Variants in PPARA observed in about 807,000 individuals in gnomAD.
PPARA encodes the protein peroxisome proliferator activated receptor alpha.
PPARA carries 22 observed loss-of-function variants against 42.2 expected under a neutral mutation model. That is an observed-to-expected ratio of 0.52 (90% CI 0.37 to 0.74). The LOEUF (loss-of-function observed/expected upper bound fraction) is 0.74, where lower values mean the gene tolerates loss of function less well. Ranked by LOEUF, PPARA falls within the 30% of genes least tolerant of loss-of-function variation. The probability of loss-of-function intolerance (pLI) is 0.00; values close to 1 mark genes in which losing one functional copy is unlikely to be tolerated. For missense variants in PPARA, 465 were observed against 608.2 expected (o/e 0.76, Z 2.48); for synonymous variants, 242 against 239.3 (o/e 1.01, Z -0.10).
At chr22:46,164,746 T>G (rs1431083811) in intron 2 of PPARA, 2 of 152,232 alleles carry the variant, frequency 1.3e-5, no homozygotes, top group East Asian at 3.8e-4. Flanking sequence ...TATTAAAAGG[T>G]GACAGTTTTC....
At chr22:46,207,277 ATTTTTTT>A (rs76116601) in intron 4 of PPARA, among the ~76,000 whole-genome samples, 3 of 119,578 alleles carry the variant, frequency 2.5e-5, no homozygotes, top group South Asian at 2.7e-4. Flanking sequence ...TACATTGGCA[ATTTTTTT>A]TTTTTTTTTT....
chr22:46,215,109 A>T lies in PPARA; in HGVS notation c.209-64A>T, dbSNP rs545005107. 8.9e-6 allele frequency: 14 copies of T among 1,578,536 alleles called. No homozygotes were observed. The East Asian group carries it at 2.2e-4, about 25-fold the overall frequency. On this transcript the variant is annotated intron_variant, in intron 4 of 8. Coordinates refer to ENST00000407236, the MANE Select transcript of PPARA (RefSeq NM_005036.6). Reference sequence around the variant, plus strand: ...CGTATGCGAAATCACATCCTCATAGACCCGGTTCAGACACAGGATAGTGAT... The same window carrying T: ...CGTATGCGAAATCACATCCTCATAGTCCCGGTTCAGACACAGGATAGTGAT...
In PPARA at chr22:46,203,408, G is replaced by A. The variant is rs1338132426; in HGVS notation, c.208+4817G>A. Among the ~76,000 whole-genome samples the A allele has an allele frequency of 6.6e-6, 1 of 151,976 alleles. No individual in the cohort carries two copies. The highest frequency in any genetic ancestry group is 2.4e-5 in the African/African-American group (1 of 41,370). ...CATTTTATCTCTGCTTTTTCTTCCC[G>A]GCTTTATTGCCATAATTGACATACA... On this transcript the variant is annotated intron_variant, in intron 4 of 8. Coordinates refer to ENST00000407236, the MANE Select transcript of PPARA (RefSeq NM_005036.6). The surrounding 1 kb of genome is among the most constrained non-coding windows in gnomAD (Gnocchi z 5.8).
rs1313272105 is a variant in PPARA at position 46,235,320 on chromosome 22, G to A, written c.1347G>A (p.Lys449=). The A allele has an allele frequency of 1.9e-6, 3 of 1,614,000 alleles. No individual in the cohort carries two copies. Among genetic ancestry groups the A allele is most frequent in the Admixed American group, 3.3e-5 (2 of 60,002 alleles). ...EHAQLVQIIK[K]TESDAALHPL... ...CGCAGCTGGTGCAGATCATCAAGAA[G>A]ACGGAGTCGGATGCTGCGCTGCACC... Residue 449 remains lysine, a synonymous_variant, in exon 9 of 9, where the codon AAG becomes AAA. Transcript: ENST00000407236. This position sits in a 1 kb window ranked among gnomAD's most constrained non-coding sequence, Gnocchi z 7.0.
At position 46,230,764 on chromosome 22, in the gene PPARA, G is replaced by C. The variant is rs1419127227; in HGVS notation, c.712-1028G>C. Among the ~76,000 whole-genome samples the C allele has an allele frequency of 6.6e-6, 1 of 152,208 alleles. No individual in the cohort carries two copies. The highest frequency in any genetic ancestry group is 2.4e-5 in the African/African-American group (1 of 41,456). ...CTGAGAGAAACAAGGGCATTCCGAG[G>C]CTTTTCCACTTTATCCCTAAAGAGT... On this transcript the variant is annotated intron_variant, in intron 7 of 8. Coordinates refer to ENST00000407236, the MANE Select transcript of PPARA (RefSeq NM_005036.6). This position sits in a 1 kb window ranked among gnomAD's most constrained non-coding sequence, Gnocchi z 5.0.
At chr22:46,155,009 A>AAAC (rs1925056125) in intron 2 of PPARA, 1 of 141,324 alleles carries the variant, frequency 7.1e-6, no homozygotes, top group African/African-American at 2.9e-5. Context: ...AAAAAAAAAA[A>AAAC]AAAAAAAAAA....
chr22:46,190,007 G>A lies in PPARA; in HGVS notation c.-42-8335G>A, dbSNP rs1931332116. Among the ~76,000 whole-genome samples, 1 of 152,120 alleles carries A rather than the reference G, an allele frequency of 6.6e-6. No homozygotes were observed. ...GGCATGAGCGACTGCGCCCAGCCGTGTTCATCTATTTCTGTGAACCGATGC... is the reference window on the plus strand; with the variant it reads ...GGCATGAGCGACTGCGCCCAGCCGTATTCATCTATTTCTGTGAACCGATGC... On this transcript the variant is annotated intron_variant, in intron 3 of 8. Coordinates refer to ENST00000407236, the MANE Select transcript of PPARA (RefSeq NM_005036.6). The surrounding 1 kb of genome is among the most constrained non-coding windows in gnomAD (Gnocchi z 5.6).
intron 3 of PPARA, among the ~76,000 whole-genome samples, chr22:46,179,190 G>T (rs1391182343): frequency 1.3e-5 from 2 of 152,146 alleles, no homozygotes; most frequent in Non-Finnish European, 2.9e-5. Flanking sequence ...ATCAACATAT[G>T]AATTTGGAAA....
chr22:46,197,664 G>T (rs545267957), intron 3 of PPARA, among the ~76,000 whole-genome samples: 4 of 152,106 alleles, frequency 2.6e-5, no homozygotes, highest in African/African-American at 9.6e-5. Flanking sequence ...CACTTTAGAA[G>T]GCCGAGGCGG....
intron 6 of PPARA, among the ~76,000 whole-genome samples, chr22:46,218,695 G>T (rs1934722302): frequency 6.6e-6 from 1 of 151,496 alleles, no homozygotes; most frequent in Non-Finnish European, 1.5e-5. Flanking sequence ...TTAGCTGGGT[G>T]TGGTGGCACA....
In PPARA at chr22:46,183,757, A is replaced by G. The variant is rs892899193; in HGVS notation, c.-43+6921A>G. 1.3e-5 allele frequency among the ~76,000 whole-genome samples: 2 copies of G among 152,206 alleles called. No individual in the cohort carries two copies. The highest frequency in any genetic ancestry group is 2.9e-5 in the Non-Finnish European group (2 of 68,040). ...CTCTGTGTCCAAAACAAAACAAAAC[A>G]AAACAAAAAAAGCTAAATTATCAAA... is the stretch of plus-strand genomic sequence containing the variant. On this transcript the variant is annotated intron_variant, in intron 3 of 8. Transcript: ENST00000407236. The surrounding 1 kb of genome is among the most constrained non-coding windows in gnomAD (Gnocchi z 5.5).
chr22:46,167,383 G>A lies in PPARA; in HGVS notation c.-126-9370G>A, dbSNP rs1927236317. ...AGAGTTAAAACCATCCAGGTACAGT[G>A]GCTCATGCCTGTCATCTTGCACTTT... On this transcript the variant is annotated intron_variant, in intron 2 of 8. Coordinates refer to ENST00000407236, the MANE Select transcript of PPARA (RefSeq NM_005036.6). This position sits in a 1 kb window ranked among gnomAD's most constrained non-coding sequence, Gnocchi z 4.1. Among the ~76,000 whole-genome samples the A allele has an allele frequency of 1.3e-5, 2 of 152,092 alleles. No individual in the cohort carries two copies. The highest frequency in any genetic ancestry group is 4.1e-4 in the South Asian group (2 of 4,830).
In PPARA at chr22:46,221,180, T is replaced by G. The variant is rs546975898; in HGVS notation, c.711+1166T>G. Among the ~76,000 whole-genome samples the G allele has an allele frequency of 1.3e-5, 2 of 152,168 alleles. No individual in the cohort carries two copies. Among genetic ancestry groups the G allele is most frequent in the South Asian group, 2.1e-4 (1 of 4,812 alleles). On this transcript the variant is annotated intron_variant, in intron 7 of 8. Transcript: ENST00000407236. The surrounding 1 kb of genome is among the most constrained non-coding windows in gnomAD (Gnocchi z 5.9). ...GAGCAAAAACAAGAGACACACACTT[T>G]TCACCCATCAGATCTTGTGAGAACG...
intron 3 of PPARA, among the ~76,000 whole-genome samples, chr22:46,194,287 T>G (rs964926586): frequency 4.6e-5 from 7 of 152,358 alleles, no homozygotes; most frequent in Admixed American, 3.9e-4. Context: ...AGCTCTTCAT[T>G]CATAGCAAGA....
Position 46,240,393 on chromosome 22 carries a change from C to T in PPARA, c.*5013C>T, listed in dbSNP as rs750497959. 1 of 396,456 alleles carries T rather than the reference C, an allele frequency of 2.5e-6. No homozygotes were observed. Among genetic ancestry groups the T allele is most frequent in the Non-Finnish European group, 4.4e-6 (1 of 225,186 alleles). 24.6% of individuals were successfully genotyped at this position (396,456 alleles called of 1,614,324 possible). A position where few individuals can be genotyped will look rare whatever the true frequency, so the allele number is the denominator to read the frequency against. ...CCTCCCTGTTGTTTCTAGACTCTTG[C>T]ACCTGGTGAGTGCAAGGATAGGTGA... is the stretch of plus-strand genomic sequence containing the variant. On this transcript the variant is annotated 3_prime_UTR_variant, in exon 9 of 9. Coordinates refer to ENST00000407236, the MANE Select transcript of PPARA (RefSeq NM_005036.6). This position sits in a 1 kb window ranked among gnomAD's most constrained non-coding sequence, Gnocchi z 6.0.
intron 2 of PPARA, chr22:46,155,833 T>A (rs148051036): frequency 1.3e-5 from 2 of 152,222 alleles, no homozygotes; most frequent in African/African-American, 4.8e-5. Context: ...CAGCGGCCCA[T>A]GTTTAAAAGA....
intron 1 of PPARA, chr22:46,151,041 C>G (rs937294779): frequency 6.6e-6 from 1 of 152,196 alleles, no homozygotes; most frequent in African/African-American, 2.4e-5. Context: ...GAGGGAGGGC[C>G]CACGGGCGGG....
chr22:46,241,828 G>A lies in PPARA; in HGVS notation c.*6448G>A, dbSNP rs1936377804. On this transcript the variant is annotated 3_prime_UTR_variant, in exon 9 of 9. Coordinates refer to ENST00000407236, the MANE Select transcript of PPARA (RefSeq NM_005036.6). This position sits in a 1 kb window ranked among gnomAD's most constrained non-coding sequence, Gnocchi z 5.7. ...AAAACAGACCAACAGACCAGATGGT[G>A]TCCATGTTCAATATCATGTCTTGAT... The A allele has an allele frequency of 6.6e-6, 1 of 150,610 alleles. No individual in the cohort carries two copies. Among genetic ancestry groups the A allele is most frequent in the South Asian group, 2.1e-4 (1 of 4,806 alleles). 9.3% of individuals were successfully genotyped at this position (150,610 alleles called of 1,614,324 possible).
intron 2 of PPARA, among the ~76,000 whole-genome samples, chr22:46,169,258 G>GT (rs1489108781): frequency 8.4e-5 from 12 of 142,202 alleles, no homozygotes; most frequent in African/African-American, 3.7e-4. Flanking sequence ...ATGTTTGTTT[G>GT]TTGTTTGTTT....
Sources: gnomAD v4.1 joint callset for allele counts (sites outside exome capture counted in the v4.1 genomes callset) on GRCh38, gnomAD v4.1.1 for gene constraint, Gnocchi (gnomAD v3.1) non-coding constraint, MANE v1.5 for transcripts, NCBI Gene and HGNC (gene_info 2026-07-23, HGNC 2026-07-21) for gene names.